Variants in USP37 observed in about 807,000 individuals in gnomAD.
USP37 encodes the protein ubiquitin specific peptidase 37, also known as ubiquitin carboxyl-terminal hydrolase 37.
Under a neutral mutation model 124.0 loss-of-function variants are expected in USP37, and 27 were observed. The observed-to-expected ratio is 0.22, with a 90% CI of 0.16 to 0.30. The LOEUF (loss-of-function observed/expected upper bound fraction) is 0.30, where lower values mean the gene tolerates loss of function less well. Among genes scored for constraint, USP37 ranks in the 10% least tolerant of loss-of-function variants. The probability of loss-of-function intolerance (pLI) is 1.00; values close to 1 mark genes in which losing one functional copy is unlikely to be tolerated. For missense variants in USP37, 889 were observed against 1,140.4 expected, an observed-to-expected ratio of 0.78 and a Z score of 3.17; for synonymous variants, 365 against 388.0, an observed-to-expected ratio of 0.94 and a Z score of 0.70.
rs541252729 is a variant in USP37 at position 218,475,731 on chromosome 2, A to AAAAT, written c.2044-850_2044-847dup. The stretch of plus-strand genomic sequence containing the variant: ...GGTGACAGGGCAAGAGTCTGTCTCA[A>AAAAT]AAATAAATAAATAAATAAATTAAAT... On this transcript the variant is annotated intron_variant, in intron 19 of 25. Transcript: ENST00000258399. Among the ~76,000 whole-genome samples, 960 of 152,130 alleles carry AAAAT rather than the reference A, an allele frequency of 6.3e-3. 9 individuals carry two copies. Among genetic ancestry groups the AAAAT allele is most frequent in the African/African-American group, 0.022 (921 of 41,488 alleles).
intron 1 of USP37, among the ~76,000 whole-genome samples, chr2:218,567,651 GA>G (rs1216255033): frequency 1.3e-5 from 2 of 152,124 alleles, no homozygotes; most frequent in African/African-American, 4.8e-5. Context: ...CAGGACACAG[GA>G]TTTTATCATC....
intron 21 of USP37, 82 bp from the exon 22 acceptor site, chr2:218,463,448 G>T: frequency 7.9e-7 from 1 of 1,267,230 alleles, no homozygotes; most frequent in Non-Finnish European, 1.1e-6. Flanking sequence ...CAGTTTCTCT[G>T]GAAGCATTTG....
intron 16 of USP37, among the ~76,000 whole-genome samples, chr2:218,484,345 G>T (rs564157432): frequency 1.3e-5 from 2 of 151,904 alleles, no homozygotes; most frequent in Non-Finnish European, 1.5e-5. Context: ...TCCTTGGCCC[G>T]GCGCGGTGGC....
chr2:218,469,380 T>C (rs1024986079), intron 20 of USP37, among the ~76,000 whole-genome samples: 1 of 152,156 alleles, frequency 6.6e-6, no homozygotes, highest in Non-Finnish European at 1.5e-5. Context: ...CCAATCAGAT[T>C]ATCTGTTTTG....
At chr2:218,508,731 A>T (rs1464946020) in intron 11 of USP37, among the ~76,000 whole-genome samples, 1 of 152,228 alleles carries the variant, frequency 6.6e-6, no homozygotes. Flanking sequence ...ATAGAAGAGT[A>T]GAAAAGATGA....
At position 218,469,243 on chromosome 2, in the gene USP37, T is replaced by C. The variant is rs183149828; in HGVS notation, c.2300-3067A>G. 4.8e-3 allele frequency among the ~76,000 whole-genome samples: 737 copies of C among 152,310 alleles called. 3 individuals carry two copies. Among genetic ancestry groups the C allele is most frequent in the Non-Finnish European group, 7.6e-3 (520 of 68,024 alleles). ...TATCCTAGAGATGTCAATAATTTCT[T>C]CCTTTCTTCTATTATTGGAGAAACA... On this transcript the variant is annotated intron_variant, in intron 20 of 25. Transcript: ENST00000258399.
At chr2:218,554,582 A>C (rs1692852376) in intron 4 of USP37, among the ~76,000 whole-genome samples, 1 of 152,126 alleles carries the variant, frequency 6.6e-6, no homozygotes, top group Admixed American at 6.5e-5. Flanking sequence ...TCCCATCTCT[A>C]CTAAAAAGAC....
In USP37 at chr2:218,520,301, T is replaced by C. The variant is rs190132610; in HGVS notation, c.863+9655A>G. Among the ~76,000 whole-genome samples, 66 of 152,042 alleles carry C rather than the reference T, an allele frequency of 4.3e-4. 1 individual carries two copies. The highest frequency in any genetic ancestry group is 1.5e-3 in the African/African-American group (63 of 41,518). ...TTTTTCAAAGTTAACAATTCTTTAT[T>C]ATCATCATCTAATACCTGACTCATA... On this transcript the variant is annotated intron_variant, in intron 10 of 25. Coordinates refer to ENST00000258399, the MANE Select transcript of USP37 (RefSeq NM_020935.3).
intron 20 of USP37, among the ~76,000 whole-genome samples, chr2:218,470,633 A>G (rs1690630328): frequency 6.6e-6 from 1 of 152,170 alleles, no homozygotes; most frequent in Non-Finnish European, 1.5e-5. Flanking sequence ...CCCTTCAACA[A>G]TATGCTCCAG....
intron 14 of USP37, 23 bp from the exon 15 acceptor site, chr2:218,488,444 G>A (rs1691714514): frequency 2.0e-6 from 3 of 1,503,902 alleles, no homozygotes; most frequent in Non-Finnish European, 2.7e-6. Flanking sequence ...AATGAGACAT[G>A]TAAGCATTTA....
chr2:218,463,313 A>G lies in USP37; in HGVS notation c.2520T>C (p.Ser840=). The G allele has an allele frequency of 1.2e-6, 2 of 1,613,896 alleles. No individual in the cohort carries two copies. Among genetic ancestry groups the G allele is most frequent in the Non-Finnish European group, 1.7e-6 (2 of 1,179,934 alleles). The change falls in exon 22 of 26, where the codon AGT becomes AGC. Residue 840 remains serine, a synonymous_variant. Transcript: ENST00000258399. ...DDDLKRATEL[S]LQEFNNSFVD... ...TTAAAAAGATCTCCACACCTTGAAGACTTAACTCGGTAGCTCTTTTGAGGT... is the reference window on the plus strand; with the variant it reads ...TTAAAAAGATCTCCACACCTTGAAGGCTTAACTCGGTAGCTCTTTTGAGGT...
At chr2:218,458,688 T>C (rs190905132) in intron 23 of USP37, among the ~76,000 whole-genome samples, 2 of 152,184 alleles carry the variant, frequency 1.3e-5, no homozygotes, top group African/African-American at 2.4e-5. Flanking sequence ...TACTCAATGT[T>C]AGCTAAAAGT....
intron 9 of USP37, 71 bp downstream of exon 9, chr2:218,534,533 GGGTTA>G: frequency 1.3e-6 from 1 of 755,482 alleles, no homozygotes; most frequent in Non-Finnish European, 1.9e-6. Context: ...ATGTACAGAT[GGGTTA>G]GGTTTTTATT....
intron 14 of USP37, among the ~76,000 whole-genome samples, chr2:218,493,834 C>T (rs533988651): frequency 1.4e-3 from 209 of 152,230 alleles, no homozygotes; most frequent in Non-Finnish European, 2.5e-3. Context: ...CCAGACCTGA[C>T]TGACAGAGCT....
intron 8 of USP37, among the ~76,000 whole-genome samples, chr2:218,540,823 T>C (rs1691932129): frequency 1.3e-5 from 2 of 152,174 alleles, no homozygotes; most frequent in Admixed American, 6.5e-5. Flanking sequence ...CAAGGACTCA[T>C]AGGAGTATCT....
At chr2:218,456,336 A>G (rs1024812262) in intron 24 of USP37, among the ~76,000 whole-genome samples, 12 of 152,108 alleles carry the variant, frequency 7.9e-5, no homozygotes, top group Middle Eastern at 3.4e-3. Flanking sequence ...GTGTAGTCGC[A>G]GCTACTCAGC....
At chr2:218,485,874 T>C (rs898416710) in intron 15 of USP37, 131 bp from the exon 16 acceptor site, 2 of 956,594 alleles carry the variant, frequency 2.1e-6, no homozygotes, top group Admixed American at 2.6e-5. Flanking sequence ...AAATTCTGTG[T>C]CTAGAGCCAT....
intron 4 of USP37, among the ~76,000 whole-genome samples, chr2:218,554,998 ACTCTT>A (rs1257641107): frequency 2.6e-5 from 4 of 151,994 alleles, no homozygotes; most frequent in Non-Finnish European, 5.9e-5. Context: ...GGACCTGAAA[ACTCTT>A]AACTTACTTC....
chr2:218,475,731 AAAATAAAT>A (rs541252729), intron 19 of USP37, among the ~76,000 whole-genome samples: 1 of 152,016 alleles, frequency 6.6e-6, no homozygotes, highest in Non-Finnish European at 1.5e-5. Flanking sequence ...GTCTGTCTCA[AAAATAAAT>A]AAATAAATAA....
Sources: gnomAD v4.1 joint callset for allele counts (sites outside exome capture counted in the v4.1 genomes callset) on GRCh38, gnomAD v4.1.1 for gene constraint, MANE v1.5 for transcripts, NCBI Gene and HGNC (gene_info 2026-07-23, HGNC 2026-07-21) for gene names.